The following PTCHD4 variants were observed in gnomAD, a reference collection of about 807,000 sequenced individuals.
PTCHD4 encodes the protein patched domain-containing protein 4.
In PTCHD4, 33 loss-of-function variants were observed where a neutral mutation model predicts 58.1. The observed-to-expected ratio is 0.57, with a 90% confidence interval of 0.43 to 0.76. The LOEUF (loss-of-function observed/expected upper bound fraction) is 0.76, where lower values mean the gene tolerates loss of function less well. PTCHD4 is among the 30% of genes least tolerant of loss of function. The probability of loss-of-function intolerance (pLI) is 0.00; values close to 1 mark genes in which losing one functional copy is unlikely to be tolerated. For missense variants in PTCHD4, 1,058 were observed against 1,027.1 expected, an observed-to-expected ratio of 1.03 and a Z score of -0.41; for synonymous variants, 478 against 409.6, an observed-to-expected ratio of 1.17 and a Z score of -2.02.
chr6:47,976,783 A>G (rs1328326941), intron 4 of PTCHD4, among the ~76,000 whole-genome samples: 2 of 151,978 alleles, frequency 1.3e-5, no homozygotes, highest in Non-Finnish European at 2.9e-5. Flanking sequence ...CAGAAGAAAA[A>G]TTTATATTAT....
At chr6:48,029,349 A>C (rs2814486) in intron 3 of PTCHD4, among the ~76,000 whole-genome samples, 2 of 151,832 alleles carry the variant, frequency 1.3e-5, no homozygotes, top group East Asian at 1.9e-4. Flanking sequence ...CTCTGATAAC[A>C]TTGAGACCAT....
chr6:47,969,049 C>T (rs1767404678), intron 4 of PTCHD4, among the ~76,000 whole-genome samples: 1 of 152,150 alleles, frequency 6.6e-6, no homozygotes, highest in South Asian at 2.1e-4. Flanking sequence ...ATTTATTTCT[C>T]ATGGTTTGAA....
intron 4 of PTCHD4, among the ~76,000 whole-genome samples, chr6:47,950,939 T>C (rs1191134214): frequency 6.6e-6 from 1 of 152,064 alleles, no homozygotes; most frequent in Non-Finnish European, 1.5e-5. Flanking sequence ...TGTCAATTGA[T>C]GGAATTTGGG....
chr6:47,952,010 G>A (rs1297001162), intron 4 of PTCHD4, among the ~76,000 whole-genome samples: 3 of 152,214 alleles, frequency 2.0e-5, no homozygotes, highest in East Asian at 1.9e-4. Context: ...ATTATGCTAT[G>A]GCAAAAGATT....
In PTCHD4 at chr6:48,068,365, G is replaced by C. The variant is rs554174223; in HGVS notation, c.282C>G (p.Ser94=). Residue 94 remains serine, a synonymous_variant, in exon 3 of 5, where the codon TCC becomes TCG. Coordinates refer to ENST00000339488, the MANE Select transcript of PTCHD4 (RefSeq NM_001384253.1). The surrounding 1 kb of genome is among the most constrained non-coding windows in gnomAD (Gnocchi z 4.2). ...GTAAGTCCGAATAGAGCTGGCTTTT[G>C]GACTGGTCCAGGGGGAAAAGGCTGC... ...LASSLFPLDQ[S]KSQLYSDLHT... is the part of the protein sequence containing the mutation. 6.2e-7 allele frequency: 1 copy of C among 1,613,956 alleles called. No individual in the cohort carries two copies. The highest frequency in any genetic ancestry group is 8.5e-7 in the Non-Finnish European group (1 of 1,179,868).
chr6:48,002,970 C>T (rs1256027642), intron 4 of PTCHD4, among the ~76,000 whole-genome samples: 5 of 152,030 alleles, frequency 3.3e-5, no homozygotes, highest in Non-Finnish European at 7.4e-5. Context: ...GGAACAATCA[C>T]TCTCTTGTTC....
At chr6:47,882,371 A>C (rs1289693691) in intron 4 of PTCHD4, among the ~76,000 whole-genome samples, 1 of 152,100 alleles carries the variant, frequency 6.6e-6, no homozygotes, top group Non-Finnish European at 1.5e-5. Context: ...AGATTAGGTA[A>C]TCACTTTAAA....
chr6:47,872,150 A>G lies in PTCHD4; in HGVS notation c.*6153T>C, dbSNP rs1450332407. Among the ~76,000 whole-genome samples the G allele has an allele frequency of 6.6e-6, 1 of 151,598 alleles. No individual in the cohort carries two copies. On this transcript the variant is annotated 3_prime_UTR_variant, in exon 5 of 5. Transcript: ENST00000339488. ...TTCTAGTAACCATATTACATTAGATAATTTAAATGCTCCCCATAACATACT... is the reference window on the plus strand; with the variant it reads ...TTCTAGTAACCATATTACATTAGATGATTTAAATGCTCCCCATAACATACT...
intron 3 of PTCHD4, among the ~76,000 whole-genome samples, chr6:48,027,785 T>A (rs1483258746): frequency 6.6e-6 from 1 of 152,136 alleles, no homozygotes; most frequent in Non-Finnish European, 1.5e-5. Context: ...ATTTGTTAGT[T>A]TGCTATAGAC....
chr6:47,952,487 G>A (rs1296847987), intron 4 of PTCHD4, among the ~76,000 whole-genome samples: 1 of 152,050 alleles, frequency 6.6e-6, no homozygotes, highest in African/African-American at 2.4e-5. Context: ...TGTAGAATAA[G>A]TATATACCGC....
chr6:47,997,189 G>T (rs772491772), intron 4 of PTCHD4, among the ~76,000 whole-genome samples: 10 of 151,898 alleles, frequency 6.6e-5, no homozygotes, highest in Non-Finnish European at 1.5e-4. Flanking sequence ...GATCTCTTTT[G>T]TGTGATCTTA....
intron 4 of PTCHD4, among the ~76,000 whole-genome samples, chr6:47,944,574 A>C (rs1284920551): frequency 6.6e-6 from 1 of 152,126 alleles, no homozygotes; most frequent in Non-Finnish European, 1.5e-5. Flanking sequence ...ACATATCTAC[A>C]TTAAGAATTC....
chr6:48,066,530 A>G (rs574472694), intron 3 of PTCHD4, among the ~76,000 whole-genome samples: 5 of 152,352 alleles, frequency 3.3e-5, no homozygotes, highest in African/African-American at 9.6e-5. Flanking sequence ...TTAAAAGAGT[A>G]TAGGTTAGGA....
chr6:47,958,437 A>G (rs1422306043), intron 4 of PTCHD4, among the ~76,000 whole-genome samples: 2 of 152,182 alleles, frequency 1.3e-5, no homozygotes, highest in Admixed American at 1.3e-4. Flanking sequence ...ACAACTAAAG[A>G]CAGTGATCCC....
intron 4 of PTCHD4, among the ~76,000 whole-genome samples, chr6:47,977,673 TTTG>T (rs1561987459): frequency 6.6e-6 from 1 of 152,130 alleles, no homozygotes; most frequent in East Asian, 1.9e-4. Flanking sequence ...CATAGGATAA[TTTG>T]TTATGCTGCA....
intron 1 of PTCHD4, among the ~76,000 whole-genome samples, chr6:48,093,147 A>G (rs1765399235): frequency 1.3e-5 from 2 of 152,200 alleles, no homozygotes; most frequent in African/African-American, 4.8e-5. Flanking sequence ...TTATTTTAAA[A>G]GCATTAATTC....
intron 3 of PTCHD4, among the ~76,000 whole-genome samples, chr6:48,015,447 A>G (rs1395350900): frequency 1.3e-5 from 2 of 151,966 alleles, no homozygotes; most frequent in African/African-American, 2.4e-5. Flanking sequence ...CCTGTCTCCT[A>G]TCACCCTTCT....
chr6:47,930,148 G>C lies in PTCHD4; in HGVS notation c.899-50212C>G, dbSNP rs147967452. Among the ~76,000 whole-genome samples, 3 of 152,276 alleles carry C rather than the reference G, an allele frequency of 2.0e-5. No homozygotes were observed. The East Asian group carries it at 5.8e-4, about 29-fold the overall frequency. On this transcript the variant is annotated intron_variant, in intron 4 of 4. Transcript: ENST00000339488. Reference sequence around the variant, plus strand: ...TTTCTAAAGTGGATGCAAAAGAAAGGAAAGAGAAGGAGTGGGAGGAGAAGC... The same window carrying C: ...TTTCTAAAGTGGATGCAAAAGAAAGCAAAGAGAAGGAGTGGGAGGAGAAGC...
intron 1 of PTCHD4, among the ~76,000 whole-genome samples, chr6:48,100,939 A>G (rs925513655): frequency 1.3e-5 from 2 of 152,328 alleles, no homozygotes; most frequent in Non-Finnish European, 2.9e-5. Flanking sequence ...CATTATGTCA[A>G]AATAATTTTA....
Sources: gnomAD v4.1 joint callset for allele counts (sites outside exome capture counted in the v4.1 genomes callset) on GRCh38, gnomAD v4.1.1 for gene constraint, Gnocchi (gnomAD v3.1) non-coding constraint, MANE v1.5 for transcripts, NCBI Gene and HGNC (gene_info 2026-07-23, HGNC 2026-07-21) for gene names.